CAMK2D: variants seen among roughly 807,000 people sequenced by gnomAD.
CAMK2D encodes the protein calcium/calmodulin-dependent protein kinase type II subunit delta.
A neutral mutation model predicts 84.0 loss-of-function variants in CAMK2D; 37 were observed. The observed-to-expected ratio is 0.44, with a 90% CI of 0.34 to 0.58. The LOEUF (loss-of-function observed/expected upper bound fraction) is 0.58, where lower values mean the gene tolerates loss of function less well. CAMK2D is among the 20% of genes least tolerant of loss of function. CAMK2D has a pLI of 0.02. For missense variants in CAMK2D, 448 were observed against 652.5 expected (o/e 0.69, Z 3.41); for synonymous variants, 202 against 212.5 (o/e 0.95, Z 0.43).
chr4:113,489,295 C>A (rs1256383026), intron 16 of CAMK2D, among the ~76,000 whole-genome samples: 2 of 126,030 alleles, frequency 1.6e-5, no homozygotes, highest in African/African-American at 5.8e-5. Context: ...CCCCCTCCCC[C>A]CACCCCACAA....
intron 3 of CAMK2D, among the ~76,000 whole-genome samples, chr4:113,646,770 C>G (rs991417020): frequency 6.6e-6 from 1 of 152,174 alleles, no homozygotes; most frequent in African/African-American, 2.4e-5. Flanking sequence ...GCCATCCCCT[C>G]GTTCTCTGAG....
chr4:113,657,802 A>G (rs2099208870), intron 3 of CAMK2D, among the ~76,000 whole-genome samples: 1 of 152,212 alleles, frequency 6.6e-6, no homozygotes, highest in Non-Finnish European at 1.5e-5. Context: ...AAATATAAAA[A>G]TGAAACAAGC....
At position 113,537,403 on chromosome 4, in the gene CAMK2D, G is replaced by T; in HGVS notation, c.455C>A (p.Ala152Asp). 1 of 1,613,054 alleles carries T rather than the reference G, an allele frequency of 6.2e-7. No homozygotes were observed. Among genetic ancestry groups the T allele is most frequent in the Non-Finnish European group, 8.5e-7 (1 of 1,179,200 alleles). The change falls in exon 7 of 21, where the codon GCT becomes GAT. Residue 152 changes from alanine to aspartate, a missense_variant. Ala to Asp is a moderately radical substitution (Grantham distance 126). This residue lies in a region of CAMK2D where 60 missense variants were observed against 70.0 expected (regional missense o/e 0.86). Coordinates refer to ENST00000511664, the MANE Select transcript of CAMK2D (RefSeq NM_001321571.2). ...LLLASKSKGA[A>D]VKLADFGLAI... ...TAAGCCAAAGTCTGCCAATTTCACAGCTGCTCCCTTGGATTTGCTAGCTAA... is the reference window on the plus strand; with the variant it reads ...TAAGCCAAAGTCTGCCAATTTCACATCTGCTCCCTTGGATTTGCTAGCTAA...
intron 17 of CAMK2D, among the ~76,000 whole-genome samples, chr4:113,462,266 ATGTG>A (rs143654780): frequency 0.01 from 1,113 of 109,622 alleles, 5 homozygotes; most frequent in Middle Eastern, 0.022. Context: ...ATATTTGGAA[ATGTG>A]TGTGTGTGTG....
At chr4:113,599,600 C>A (rs1290398809) in intron 4 of CAMK2D, among the ~76,000 whole-genome samples, 1 of 152,106 alleles carries the variant, frequency 6.6e-6, no homozygotes, top group Admixed American at 6.6e-5. Flanking sequence ...ATCAACCCCC[C>A]AACAGTTGAA....
chr4:113,727,473 GA>G (rs909625936), intron 2 of CAMK2D, among the ~76,000 whole-genome samples: 50 of 149,846 alleles, frequency 3.3e-4, no homozygotes, highest in African/African-American at 1.1e-3. Context: ...GGACAAACAT[GA>G]AAAAAAAAGA....
chr4:113,704,471 C>T (rs553591345), intron 2 of CAMK2D, among the ~76,000 whole-genome samples: 1 of 152,230 alleles, frequency 6.6e-6, no homozygotes, highest in Non-Finnish European at 1.5e-5. Context: ...AGTCCATAAT[C>T]ACATTTTATT....
At chr4:113,735,818 AT>A (rs1227791137) in intron 2 of CAMK2D, among the ~76,000 whole-genome samples, 1 of 152,228 alleles carries the variant, frequency 6.6e-6, no homozygotes, top group Non-Finnish European at 1.5e-5. Context: ...GCATTAAAGT[AT>A]ATTTATGTAA....
At chr4:113,718,642 G>A (rs962754994) in intron 2 of CAMK2D, among the ~76,000 whole-genome samples, 4 of 152,164 alleles carry the variant, frequency 2.6e-5, no homozygotes, top group Admixed American at 2.0e-4. Context: ...GGCAGGGAAG[G>A]GTTTTGTTTG....
At chr4:113,665,951 G>T (rs551350229) in intron 2 of CAMK2D, among the ~76,000 whole-genome samples, 57 of 152,202 alleles carry the variant, frequency 3.7e-4, no homozygotes, top group African/African-American at 1.3e-3. Flanking sequence ...CAAGAATTTT[G>T]GTGAAATGTT....
chr4:113,591,543 T>C (rs2098883417), intron 4 of CAMK2D, among the ~76,000 whole-genome samples: 1 of 152,242 alleles, frequency 6.6e-6, no homozygotes, highest in African/African-American at 2.4e-5. Flanking sequence ...GAATGATTTC[T>C]CTAAATGTGT....
intron 16 of CAMK2D, among the ~76,000 whole-genome samples, chr4:113,477,999 C>A (rs572962082): frequency 2.6e-5 from 4 of 152,004 alleles, no homozygotes; most frequent in Non-Finnish European, 4.4e-5. Flanking sequence ...GATGAACAGT[C>A]TTCAAAGACA....
At chr4:113,690,055 C>A (rs190684496) in intron 2 of CAMK2D, among the ~76,000 whole-genome samples, 8 of 152,098 alleles carry the variant, frequency 5.3e-5, no homozygotes, top group Non-Finnish European at 8.8e-5. Context: ...CATAAGAGAA[C>A]CTCCATGAAA....
At chr4:113,619,913 G>T (rs1405733600) in intron 3 of CAMK2D, among the ~76,000 whole-genome samples, 2 of 152,128 alleles carry the variant, frequency 1.3e-5, no homozygotes, top group Admixed American at 1.3e-4. Context: ...GGTGCTGAGA[G>T]GCCGGAGTTT....
intron 2 of CAMK2D, among the ~76,000 whole-genome samples, chr4:113,712,299 T>C (rs971550368): frequency 1.3e-5 from 2 of 152,158 alleles, no homozygotes; most frequent in African/African-American, 2.4e-5. Flanking sequence ...AGGAAGACTA[T>C]GGTTGTTTAC....
At chr4:113,578,995 G>T (rs2098796530) in intron 4 of CAMK2D, among the ~76,000 whole-genome samples, 1 of 149,984 alleles carries the variant, frequency 6.7e-6, no homozygotes, top group Non-Finnish European at 1.5e-5. Context: ...AAAAACCAAA[G>T]ACTATCTCTT....
chr4:113,468,160 C>T lies in CAMK2D; in HGVS notation c.1136-2556G>A, dbSNP rs550972122. Among the ~76,000 whole-genome samples, 6 of 152,162 alleles carry T rather than the reference C, an allele frequency of 3.9e-5. No individual in the cohort carries two copies. In the East Asian group the frequency reaches 7.7e-4, roughly 20 times the overall value. On this transcript the variant is annotated intron_variant, in intron 16 of 20. Coordinates refer to ENST00000511664, the MANE Select transcript of CAMK2D (RefSeq NM_001321571.2). ...AAGCATAATATGGAATTAGAATCATCGGGTGTATATGGCCATCTTTTACTT... is the reference window on the plus strand; with the variant it reads ...AAGCATAATATGGAATTAGAATCATTGGGTGTATATGGCCATCTTTTACTT...
At chr4:113,466,471 T>C (rs1431609451) in intron 16 of CAMK2D, among the ~76,000 whole-genome samples, 1 of 152,132 alleles carries the variant, frequency 6.6e-6, no homozygotes, top group Non-Finnish European at 1.5e-5. Context: ...TATATAATTA[T>C]TTGCATTTTC....
At position 113,618,524 on chromosome 4, in the gene CAMK2D, G is replaced by A. The variant is rs6849577; in HGVS notation, c.221-9318C>T. On this transcript the variant is annotated intron_variant, in intron 3 of 20. Transcript: ENST00000511664. The stretch of plus-strand genomic sequence containing the variant: ...AATTCATTTATTGCATTTTTCCAAA[G>A]TTGATATGTCCTATAAGCAGGAAAT... Among the ~76,000 whole-genome samples, 861 of 152,124 alleles carry A rather than the reference G, an allele frequency of 5.7e-3. 30 individuals are homozygous for A. The East Asian group carries it at 0.11, about 20-fold the overall frequency.
Sources: gnomAD v4.1 joint callset for allele counts (sites outside exome capture counted in the v4.1 genomes callset) on GRCh38, gnomAD v4.1.1 for gene constraint, gnomAD v4.1.1 regional missense constraint, MANE v1.5 for transcripts, NCBI Gene and HGNC (gene_info 2026-07-23, HGNC 2026-07-21) for gene names.